ACSS3: variants seen among roughly 807,000 people sequenced by gnomAD.
The protein encoded by ACSS3 is acyl-CoA synthetase short-chain family member 3, mitochondrial.
In ACSS3, 64 loss-of-function variants were observed where a neutral mutation model predicts 84.2. The observed-to-expected ratio is 0.76, with a 90% CI of 0.62 to 0.94. The LOEUF is 0.94. Among genes scored for constraint, ACSS3 ranks in the 40% least tolerant of loss-of-function variants. ACSS3 has a pLI of 0.00. For missense variants in ACSS3, 815 were observed against 867.6 expected (o/e 0.94, Z 0.76); for synonymous variants, 317 against 310.1 (o/e 1.02, Z -0.23).
chr12:81,229,058 C>A lies in ACSS3; in HGVS notation c.1515-1999C>A, dbSNP rs538482307. 9.3e-4 allele frequency among the ~76,000 whole-genome samples: 141 copies of A among 151,808 alleles called. 1 individual carries two copies. Among genetic ancestry groups the A allele is most frequent in the African/African-American group, 3.3e-3 (135 of 41,456 alleles). On this transcript the variant is annotated intron_variant, in intron 11 of 15. Transcript: ENST00000548058. ...GTAAACTGTAATTTGCTTCAGACTC[C>A]ACCATTCTCTATTTCCCTCAATCCA...
At chr12:81,228,801 G>A (rs933489285) in intron 11 of ACSS3, among the ~76,000 whole-genome samples, 1 of 151,826 alleles carries the variant, frequency 6.6e-6, no homozygotes, top group Non-Finnish European at 1.5e-5. Context: ...GGTTATGATT[G>A]CAAACAGTTA....
intron 7 of ACSS3, among the ~76,000 whole-genome samples, chr12:81,153,969 C>A (rs1358949839): frequency 6.6e-6 from 1 of 152,128 alleles, no homozygotes; most frequent in Non-Finnish European, 1.5e-5. Flanking sequence ...ATCTTGCGGA[C>A]TTGATATGCA....
chr12:81,082,691 T>A (rs1011603634), intron 1 of ACSS3, among the ~76,000 whole-genome samples: 4 of 152,234 alleles, frequency 2.6e-5, no homozygotes, highest in Admixed American at 2.6e-4. Flanking sequence ...TCCTGGCATA[T>A]AATACCTGTC....
rs1175084827 is a variant in ACSS3 at position 81,257,734 on chromosome 12, G to A, written c.*2812G>A. On this transcript the variant is annotated 3_prime_UTR_variant, in exon 16 of 16. Coordinates refer to ENST00000548058, the MANE Select transcript of ACSS3 (RefSeq NM_024560.4). ...TAAAAATGTGAAAATTTATAATGTT[G>A]ATGATCAAAAGTAACGTGTTGAGAC... 1 of 151,966 alleles carries A rather than the reference G, an allele frequency of 6.6e-6. No individual in the cohort carries two copies. Among genetic ancestry groups the A allele is most frequent in the Non-Finnish European group, 1.5e-5 (1 of 67,964 alleles). The allele number at this position is 151,966 out of a possible 1,614,324, so 9.4% of individuals were successfully genotyped here.
chr12:81,103,837 T>C (rs2121451264), intron 1 of ACSS3, among the ~76,000 whole-genome samples: 1 of 152,326 alleles, frequency 6.6e-6, no homozygotes, highest in South Asian at 2.1e-4. Flanking sequence ...AGAAGTAGTA[T>C]TGTATGTTTG....
At chr12:81,193,198 A>G (rs942653720) in intron 8 of ACSS3, among the ~76,000 whole-genome samples, 2 of 152,180 alleles carry the variant, frequency 1.3e-5, no homozygotes, top group African/African-American at 4.8e-5. Flanking sequence ...AAAAATAATG[A>G]TAATCTGTCA....
chr12:81,110,158 G>A (rs1241204252), intron 2 of ACSS3, among the ~76,000 whole-genome samples: 7 of 152,176 alleles, frequency 4.6e-5, no homozygotes, highest in Non-Finnish European at 8.8e-5. Flanking sequence ...CTTAAAAAAT[G>A]CTGTTATTCA....
chr12:81,190,522 T>G (rs1354434038), intron 8 of ACSS3, among the ~76,000 whole-genome samples: 1 of 152,058 alleles, frequency 6.6e-6, no homozygotes, highest in Non-Finnish European at 1.5e-5. Flanking sequence ...TATATATGTA[T>G]GATTGTATTA....
rs571595932 is a variant in ACSS3, at chr12:81,210,987, G to A, written c.1355-5914G>A. Among the ~76,000 whole-genome samples, 3 of 152,048 alleles carry A rather than the reference G, an allele frequency of 2.0e-5. No homozygotes were observed. In the East Asian group the frequency reaches 5.8e-4, roughly 29 times the overall value. On this transcript the variant is annotated intron_variant, in intron 9 of 15. Coordinates refer to ENST00000548058, the MANE Select transcript of ACSS3 (RefSeq NM_024560.4). ...TTTAATTAATTAATTTTCCATTGTT[G>A]TTGTTTCGAGACAGGGTTTCACTTT...
chr12:81,123,660 C>T (rs1046943636), intron 2 of ACSS3, among the ~76,000 whole-genome samples: 6 of 152,218 alleles, frequency 3.9e-5, no homozygotes, highest in African/African-American at 1.4e-4. Context: ...CTATCGTTCT[C>T]ATCTCTATTT....
At chr12:81,087,063 T>A (rs1210849853) in intron 1 of ACSS3, among the ~76,000 whole-genome samples, 1 of 152,164 alleles carries the variant, frequency 6.6e-6, no homozygotes, top group African/African-American at 2.4e-5. Flanking sequence ...TTAGGAAAAT[T>A]AAAATTTGTG....
chr12:81,122,251 T>C (rs1175945597), intron 2 of ACSS3, among the ~76,000 whole-genome samples: 1 of 151,952 alleles, frequency 6.6e-6, no homozygotes, highest in Non-Finnish European at 1.5e-5. Context: ...TTTTTAATTG[T>C]ATCAAAATGA....
chr12:81,190,316 T>A (rs1226103623), intron 8 of ACSS3, among the ~76,000 whole-genome samples: 1 of 152,122 alleles, frequency 6.6e-6, no homozygotes, highest in East Asian at 1.9e-4. Context: ...CACTCATTAA[T>A]GATTTTTGGC....
At chr12:81,103,682 G>A (rs1882719265) in intron 1 of ACSS3, among the ~76,000 whole-genome samples, 1 of 136,676 alleles carries the variant, frequency 7.3e-6, no homozygotes, top group Non-Finnish European at 1.7e-5. Context: ...CCTCCAAAAG[G>A]TACTCTTGTT....
intron 8 of ACSS3, among the ~76,000 whole-genome samples, chr12:81,190,412 T>C (rs1326601926): frequency 6.6e-6 from 1 of 152,086 alleles, no homozygotes; most frequent in Non-Finnish European, 1.5e-5. Context: ...TACATTTGCA[T>C]TGTTTGGTCC....
At chr12:81,164,292 G>T (rs184981546) in intron 7 of ACSS3, among the ~76,000 whole-genome samples, 1 of 152,248 alleles carries the variant, frequency 6.6e-6, no homozygotes, top group Admixed American at 6.5e-5. Context: ...TGGAGTAAGA[G>T]GCAATACCAT....
chr12:81,179,271 C>CAA (rs71098127), intron 8 of ACSS3, among the ~76,000 whole-genome samples: 23 of 66,766 alleles, frequency 3.4e-4, no homozygotes, highest in South Asian at 2.1e-3. Context: ...AAGTAATTGC[C>CAA]AAAAAAAAAA....
In ACSS3 at chr12:81,260,932, C is replaced by T. The variant is rs1188573875; in HGVS notation, c.*6010C>T. On this transcript the variant is annotated 3_prime_UTR_variant, in exon 16 of 16. Coordinates refer to ENST00000548058, the MANE Select transcript of ACSS3 (RefSeq NM_024560.4). ...TTATGAACATTTGACATTTATAAAT[C>T]TAAGAAACCACAGTTTTACTATTAA... 6.6e-6 allele frequency: 1 copy of T among 152,048 alleles called. No individual in the cohort carries two copies. The highest frequency in any genetic ancestry group is 2.4e-5 in the African/African-American group (1 of 41,404). The allele number at this position is 152,048 out of a possible 1,614,324, so 9.4% of individuals were successfully genotyped here.
intron 12 of ACSS3, 32 bp downstream of exon 12, chr12:81,231,170 T>G: frequency 1.3e-6 from 2 of 1,505,170 alleles, no homozygotes; most frequent in Non-Finnish European, 1.8e-6. Flanking sequence ...TTTATCTTCT[T>G]ATGTACTTTT....
Sources: gnomAD v4.1 joint callset for allele counts (sites outside exome capture counted in the v4.1 genomes callset) on GRCh38, gnomAD v4.1.1 for gene constraint, MANE v1.5 for transcripts, NCBI Gene and HGNC (gene_info 2026-07-23, HGNC 2026-07-21) for gene names.